The following DNAH7 variants were observed in gnomAD, a reference collection of about 807,000 sequenced individuals.
DNAH7 encodes the protein dynein axonemal heavy chain 7.
In DNAH7, 397 loss-of-function variants were observed where a neutral mutation model predicts 444.6. That is an observed-to-expected ratio of 0.89 (90% CI 0.82 to 0.97). The LOEUF (loss-of-function observed/expected upper bound fraction) is 0.97. DNAH7 is among the 50% of genes least tolerant of loss of function. DNAH7 has a pLI of 0.00. For missense variants in DNAH7, 4,902 were observed against 4,800.8 expected, an observed-to-expected ratio of 1.02 and a Z score of -0.62; for synonymous variants, 1,636 against 1,624.4, an observed-to-expected ratio of 1.01 and a Z score of -0.17.
At position 195,926,453 on chromosome 2, in the gene DNAH7, T is replaced by C. The variant is rs1688340600; in HGVS notation, c.3585A>G (p.Val1195=). The C allele has an allele frequency of 1.3e-6, 2 of 1,598,432 alleles. No homozygotes were observed. Among genetic ancestry groups the C allele is most frequent in the African/African-American group, 1.4e-5 (1 of 73,910 alleles). The change falls in exon 22 of 65, where the codon GTA becomes GTG. Residue 1195 remains valine (V), a synonymous_variant. Coordinates refer to ENST00000312428, the MANE Select transcript of DNAH7 (RefSeq NM_018897.3). ...TTATCCCCATTGGAATAGCTGTTTG[T>C]ACTTCTTTTGTCCAAAAGATTTGGG... ...CVSQIFWTKE[V]QTAIPMGIKA... is the part of the protein sequence containing the mutation.
At position 195,891,888 on chromosome 2, in the gene DNAH7, T is replaced by G. The variant is rs1702034350; in HGVS notation, c.4897-84A>C. On this transcript the variant is annotated intron_variant, in intron 30 of 64. Coordinates refer to ENST00000312428, the MANE Select transcript of DNAH7 (RefSeq NM_018897.3). ...ACATTATTGCACATACAGAAAATCC[T>G]AAGGAATCTACAAAGAAAGTATTAG... 2.8e-5 allele frequency: 32 copies of G among 1,127,476 alleles called. No individual in the cohort carries two copies. In the South Asian group the frequency reaches 6.9e-4, roughly 24 times the overall value. 69.8% of individuals were successfully genotyped at this position (1,127,476 alleles called of 1,614,324 possible).
chr2:195,781,044 TAGG>T lies in DNAH7; in HGVS notation c.10879-3062_10879-3060del, dbSNP rs754016584. ...GAACTAGAACTTAAGGCAGTGAATTTAGGAGAACACGTGTCAGTGACAAAGCCC... is the reference window on the plus strand; with the variant it reads ...GAACTAGAACTTAAGGCAGTGAATTTAGAACACGTGTCAGTGACAAAGCCC... On this transcript the variant is annotated intron_variant, in intron 58 of 64. Transcript: ENST00000312428. 9.7e-4 allele frequency among the ~76,000 whole-genome samples: 146 copies of T among 151,080 alleles called. 1 individual carries two copies. Among genetic ancestry groups the T allele is most frequent in the Admixed American group, 1.7e-3 (26 of 15,098 alleles).
chr2:195,819,792 A>C (rs1223142177), intron 49 of DNAH7, among the ~76,000 whole-genome samples: 11 of 152,214 alleles, frequency 7.2e-5, no homozygotes, highest in Non-Finnish European at 1.6e-4. Context: ...AGAAGAGGGC[A>C]ACATTCTACA....
intron 5 of DNAH7, among the ~76,000 whole-genome samples, chr2:196,044,459 G>T (rs1029520153): frequency 6.7e-6 from 1 of 149,922 alleles, no homozygotes; most frequent in Non-Finnish European, 1.5e-5. Flanking sequence ...GTGCAGGGGG[G>T]TGAGGGATAA....
At chr2:195,783,619 G>C (rs1435797197) in intron 58 of DNAH7, among the ~76,000 whole-genome samples, 4 of 152,036 alleles carry the variant, frequency 2.6e-5, no homozygotes, top group Non-Finnish European at 5.9e-5. Flanking sequence ...AACTTAACTA[G>C]TTACACTCAC....
chr2:195,856,465 T>C (rs1462553828), intron 44 of DNAH7, among the ~76,000 whole-genome samples: 1 of 152,176 alleles, frequency 6.6e-6, no homozygotes, highest in Non-Finnish European at 1.5e-5. Context: ...ATTCTCTCCC[T>C]AGTATCTGGA....
rs561284200 is a variant in DNAH7 at position 195,953,418 on chromosome 2, G to A, written c.3078+3843C>T. On this transcript the variant is annotated intron_variant, in intron 19 of 64. Coordinates refer to ENST00000312428, the MANE Select transcript of DNAH7 (RefSeq NM_018897.3). Reference sequence around the variant, plus strand: ...CAGTCAGGAGGCACAGAGGTCAGGGGCCCACCTGAGAAGGCAGTCTGTCTC... The same window carrying A: ...CAGTCAGGAGGCACAGAGGTCAGGGACCCACCTGAGAAGGCAGTCTGTCTC... Among the ~76,000 whole-genome samples the A allele has an allele frequency of 3.3e-5, 5 of 152,326 alleles. No homozygotes were observed. The South Asian group carries it at 1.0e-3, about 32-fold the overall frequency.
rs533286271 is a variant in DNAH7 at position 195,964,315 on chromosome 2, T to C, written c.2206-3370A>G. On this transcript the variant is annotated intron_variant, in intron 17 of 64. Transcript: ENST00000312428. ...CTTTTTATGTGTCACCTTCAATTTC[T>C]TTCATCAATATTTTATACTTTTCAT... Among the ~76,000 whole-genome samples, 57 of 152,306 alleles carry C rather than the reference T, an allele frequency of 3.7e-4. 1 individual carries two copies. Among genetic ancestry groups the C allele is most frequent in the African/African-American group, 1.2e-3 (49 of 41,568 alleles).
At chr2:195,805,395 G>A (rs916943927) in intron 54 of DNAH7, among the ~76,000 whole-genome samples, 1 of 152,080 alleles carries the variant, frequency 6.6e-6, no homozygotes. Flanking sequence ...TTAAACAACA[G>A]TGTGAAGCAT....
chr2:195,881,899 G>C lies in DNAH7; in HGVS notation c.5857C>G (p.Leu1953Val). Residue 1953 changes from leucine (L) to valine (V), a missense_variant, in exon 36 of 65, where the codon CTG (leucine) becomes GTG (valine). Coordinates refer to ENST00000312428, the MANE Select transcript of DNAH7 (RefSeq NM_018897.3). Reference sequence around the variant, plus strand: ...AATGCAGAGTATCGAATTGTGTCCAGAGTTGGCACAATGATTTCATTAAAC... The same window carrying C: ...AATGCAGAGTATCGAATTGTGTCCACAGTTGGCACAATGATTTCATTAAAC... ...VMFNEIIVPT[L>V]DTIRYSALME... The C allele has an allele frequency of 6.2e-7, 1 of 1,613,858 alleles. No homozygotes were observed. The highest frequency in any genetic ancestry group is 1.3e-5 in the African/African-American group (1 of 75,050).
At chr2:195,950,709 A>G (rs1157446332) in intron 19 of DNAH7, among the ~76,000 whole-genome samples, 1 of 151,810 alleles carries the variant, frequency 6.6e-6, no homozygotes. Context: ...AAAATTAGCC[A>G]GGCGTGGTGG....
At chr2:195,754,173 CT>C (rs1693951680) in intron 63 of DNAH7, among the ~76,000 whole-genome samples, 163 bp downstream of exon 63, 1 of 152,148 alleles carries the variant, frequency 6.6e-6, no homozygotes, top group South Asian at 2.1e-4. Flanking sequence ...TTCCACCTGG[CT>C]CACTCATTTG....
chr2:195,897,803 TCTC>T (rs1559199771), intron 28 of DNAH7, 38 bp from the exon 29 acceptor site: 1 of 1,260,060 alleles, frequency 7.9e-7, no homozygotes, highest in Middle Eastern at 1.9e-4. Context: ...GATATCTGCA[TCTC>T]CTAACAGCAC....
chr2:195,919,898 G>C (rs1046335570), intron 24 of DNAH7, among the ~76,000 whole-genome samples: 2 of 152,110 alleles, frequency 1.3e-5, no homozygotes, highest in Non-Finnish European at 2.9e-5. Flanking sequence ...GTATCTATGA[G>C]ATATCAAATG....
chr2:195,987,022 AC>A (rs1055355007), intron 14 of DNAH7, 43 bp downstream of exon 14: 1 of 1,517,376 alleles, frequency 6.6e-7, no homozygotes, highest in Non-Finnish European at 8.8e-7. Flanking sequence ...ATTCTATTAA[AC>A]ATCCCCTCCC....
intron 9 of DNAH7, among the ~76,000 whole-genome samples, chr2:196,013,530 C>T (rs1694839085): frequency 6.6e-6 from 1 of 152,160 alleles, no homozygotes; most frequent in East Asian, 1.9e-4. Context: ...TTAGCATTAA[C>T]TTGTTCTTTA....
At chr2:196,011,400 T>C (rs1045768607) in intron 10 of DNAH7, among the ~76,000 whole-genome samples, 3 of 151,762 alleles carry the variant, frequency 2.0e-5, no homozygotes, top group Non-Finnish European at 4.4e-5. Flanking sequence ...AGAAGAGAGA[T>C]AACAACAAAG....
Position 196,019,245 on chromosome 2 carries a change from C to T in DNAH7, c.794G>A (p.Ser265Asn), listed in dbSNP as rs776991485. 4 of 1,507,858 alleles carry T rather than the reference C, an allele frequency of 2.7e-6. No individual in the cohort carries two copies. The highest frequency in any genetic ancestry group is 1.4e-5 in the South Asian group (1 of 70,874). 93.4% of individuals were successfully genotyped at this position (1,507,858 alleles called of 1,614,324 possible). A position where few individuals can be genotyped will look rare whatever the true frequency, so the allele number is the denominator to read the frequency against. ...TGCATTCAAGTGATCCCTAATATAA[C>T]TGCTTGCAGCTAAAAAAGATTTCCT... Reference protein sequence around the residue: ...PWRKSFLAASSYIRDHLNAMN... With the variant: ...PWRKSFLAASNYIRDHLNAMN... Residue 265 changes from serine to asparagine, a missense_variant, in exon 9 of 65, where the codon AGT (serine) becomes AAT (asparagine). Physicochemically the swap from Ser to Asn is conservative, Grantham distance 46. Transcript: ENST00000312428.
chr2:195,984,189 C>T lies in DNAH7; in HGVS notation c.1833+443G>A, dbSNP rs143621643. ...GGACAAGTGGAGCCAAGTCAACCTG[C>T]TGAAGGTTAGTTAGACTAGTCAACC... On this transcript the variant is annotated intron_variant, in intron 15 of 64. Coordinates refer to ENST00000312428, the MANE Select transcript of DNAH7 (RefSeq NM_018897.3). 9.5e-4 allele frequency among the ~76,000 whole-genome samples: 145 copies of T among 152,238 alleles called. 2 individuals carry two copies. Among genetic ancestry groups the T allele is most frequent in the Middle Eastern group, 6.8e-3 (2 of 294 alleles).
Sources: allele counts gnomAD v4.1 joint callset (sites outside exome capture counted in the v4.1 genomes callset), GRCh38; gene constraint gnomAD v4.1.1; transcripts MANE v1.5; gene names NCBI Gene and HGNC (gene_info 2026-07-23, HGNC 2026-07-21).